Variants in TBC1D31 observed in about 807,000 individuals in gnomAD.
TBC1D31 encodes WD repeat domain 67.
Under a neutral mutation model 132.9 loss-of-function variants are expected in TBC1D31, and 99 were observed. The observed-to-expected ratio is 0.74, with a 90% CI of 0.63 to 0.88. The LOEUF (loss-of-function observed/expected upper bound fraction) is 0.88, where lower values mean the gene tolerates loss of function less well. Among genes scored for constraint, TBC1D31 ranks in the 40% least tolerant of loss-of-function variants. TBC1D31 has a pLI of 0.00. For missense variants in TBC1D31, 1,134 were observed against 1,256.6 expected (o/e 0.90, Z 1.48); for synonymous variants, 385 against 419.4 (o/e 0.92, Z 1.00).
intron 19 of TBC1D31, among the ~76,000 whole-genome samples, chr8:123,144,426 A>G (rs1172893668): frequency 6.6e-6 from 1 of 152,172 alleles, no homozygotes; most frequent in Non-Finnish European, 1.5e-5. Flanking sequence ...AAGATTTGAG[A>G]TTTGAAACTT....
At chr8:123,092,802 C>T (rs905925176) in intron 4 of TBC1D31, among the ~76,000 whole-genome samples, 9 of 102,444 alleles carry the variant, frequency 8.8e-5, no homozygotes, top group Admixed American at 2.8e-4. Flanking sequence ...GGCACACACC[C>T]GGCTAATTTT....
intron 2 of TBC1D31, among the ~76,000 whole-genome samples, chr8:123,080,316 A>C (rs1269447501): frequency 6.6e-6 from 1 of 152,160 alleles, no homozygotes; most frequent in Non-Finnish European, 1.5e-5. Context: ...AGGGGCAGCA[A>C]ATTGTGGGAA....
chr8:123,113,112 G>A (rs1447472824), intron 10 of TBC1D31, among the ~76,000 whole-genome samples: 1 of 152,134 alleles, frequency 6.6e-6, no homozygotes, highest in African/African-American at 2.4e-5. Flanking sequence ...GAGTTCAGAG[G>A]ACAAGGTAGA....
intron 6 of TBC1D31, among the ~76,000 whole-genome samples, chr8:123,099,623 C>T (rs1410442834): frequency 6.6e-6 from 1 of 152,082 alleles, no homozygotes; most frequent in Non-Finnish European, 1.5e-5. Flanking sequence ...GTGGGGGTAG[C>T]AGGGCTGTTA....
chr8:123,090,009 A>G (rs1816179651), intron 4 of TBC1D31, among the ~76,000 whole-genome samples: 1 of 152,256 alleles, frequency 6.6e-6, no homozygotes, highest in Non-Finnish European at 1.5e-5. Context: ...CAGAAAAGGA[A>G]CTATGGAACT....
intron 4 of TBC1D31, among the ~76,000 whole-genome samples, chr8:123,092,916 A>G (rs1392716456): frequency 6.6e-6 from 1 of 150,524 alleles, no homozygotes; most frequent in Non-Finnish European, 1.5e-5. Context: ...GGTTCAAACA[A>G]TTCTCCTGTC....
chr8:123,113,643 T>C (rs539175102), intron 10 of TBC1D31, among the ~76,000 whole-genome samples: 29 of 152,340 alleles, frequency 1.9e-4, no homozygotes, highest in Non-Finnish European at 3.4e-4. Flanking sequence ...CTTTATATAC[T>C]TATATGCCTA....
At chr8:123,134,093 C>T in intron 16 of TBC1D31, 21 bp from the exon 17 acceptor site, 1 of 1,563,788 alleles carries the variant, frequency 6.4e-7, no homozygotes, top group Non-Finnish European at 8.7e-7. Context: ...TTGGTATTTA[C>T]AGTTTGTTGT....
chr8:123,129,061 T>G lies in TBC1D31; in HGVS notation c.2118-5T>G. The G allele has an allele frequency of 6.4e-7, 1 of 1,566,470 alleles. No homozygotes were observed. The highest frequency in any genetic ancestry group is 8.7e-7 in the Non-Finnish European group (1 of 1,151,576). On this transcript the variant is annotated splice_polypyrimidine_tract_variant and splice_region_variant and intron_variant, in intron 14 of 21. Transcript: ENST00000287380. Reference sequence around the variant, plus strand: ...GTGTTTTCATAATAATATTACCTACTTAAGGCAGACAGTTGAAGATATGCA... The same window carrying G: ...GTGTTTTCATAATAATATTACCTACGTAAGGCAGACAGTTGAAGATATGCA...
chr8:123,096,371 T>C (rs1219986292), intron 5 of TBC1D31, among the ~76,000 whole-genome samples: 1 of 152,210 alleles, frequency 6.6e-6, no homozygotes, highest in Non-Finnish European at 1.5e-5. Context: ...TTTCCTTATA[T>C]ACTAACCTTA....
chr8:123,155,366 G>A (rs577605688), downstream of TBC1D31, among the ~76,000 whole-genome samples: 1 of 152,144 alleles, frequency 6.6e-6, no homozygotes, highest in Non-Finnish European at 1.5e-5. This position sits in a 1 kb window ranked among gnomAD's most constrained non-coding sequence, Gnocchi z 4.1. Context: ...GGTTTCAGTG[G>A]GAATAATGGA....
rs905633305 is a variant in TBC1D31 at position 123,097,531 on chromosome 8, C to A, written c.831+90C>A. The A allele has an allele frequency of 4.5e-6, 6 of 1,336,324 alleles. 1 individual carries two copies. The highest frequency in any genetic ancestry group is 6.1e-6 in the Non-Finnish European group (6 of 987,414). The allele number at this position is 1,336,324 out of a possible 1,614,324, so 82.8% of individuals were successfully genotyped here. A position where few individuals can be genotyped will look rare whatever the true frequency, so the allele number is the denominator to read the frequency against. ...TTAGCTCTTATTTATTTAACTTACA[C>A]CCTGGCTGTTACAATAATTTGAAAT... On this transcript the variant is annotated intron_variant, in intron 6 of 21. Transcript: ENST00000287380.
rs1395697727 is a variant in TBC1D31, at chr8:123,077,191, C to T, written c.158C>T (p.Thr53Ile). The T allele has an allele frequency of 3.1e-6, 5 of 1,613,172 alleles. No homozygotes were observed. In the African/African-American group the frequency reaches 5.3e-5, roughly 17 times the overall value. The change falls in exon 2 of 22, where the codon ACA (threonine) becomes ATA (isoleucine). Residue 53 changes from threonine to isoleucine, a missense_variant. Thr to Ile is a moderately conservative substitution (Grantham distance 89). Coordinates refer to ENST00000287380, the MANE Select transcript of TBC1D31 (RefSeq NM_145647.4). ...LRFLNVAFDG[T>I]GDCLIAGDHQ... ...TTTTTGAATGTGGCTTTTGATGGCA[C>T]AGGCGACTGCTTAATTGCTGGGGAC...
chr8:123,121,619 C>G (rs567765253), intron 11 of TBC1D31, among the ~76,000 whole-genome samples: 2 of 152,242 alleles, frequency 1.3e-5, no homozygotes, highest in South Asian at 4.2e-4. Context: ...CTGCCCTCTT[C>G]CAGAGGCCCT....
At chr8:123,111,605 G>A (rs1435924163) in intron 10 of TBC1D31, among the ~76,000 whole-genome samples, 1 of 151,544 alleles carries the variant, frequency 6.6e-6, no homozygotes, top group African/African-American at 2.4e-5. Context: ...TTTTTCTTAT[G>A]CTAAAAATCT....
At chr8:123,110,766 A>G (rs1818366385) in intron 10 of TBC1D31, among the ~76,000 whole-genome samples, 1 of 152,174 alleles carries the variant, frequency 6.6e-6, no homozygotes, top group South Asian at 2.1e-4. Flanking sequence ...AAAAGAATTA[A>G]TAATTCTTCA....
intron 5 of TBC1D31, among the ~76,000 whole-genome samples, chr8:123,096,251 A>G (rs1442858202): frequency 6.6e-6 from 1 of 151,552 alleles, no homozygotes; most frequent in Non-Finnish European, 1.5e-5. Context: ...CACCTGGCCT[A>G]CGCCTCCCTC....
chr8:123,147,270 T>C (rs1169611710), intron 20 of TBC1D31, among the ~76,000 whole-genome samples: 1 of 151,582 alleles, frequency 6.6e-6, no homozygotes, highest in Non-Finnish European at 1.5e-5. Flanking sequence ...CCTCCTGGGT[T>C]CAAGCAATTC....
intron 20 of TBC1D31, among the ~76,000 whole-genome samples, chr8:123,146,157 G>C (rs1822192615): frequency 1.3e-5 from 2 of 151,798 alleles, no homozygotes; most frequent in Non-Finnish European, 2.9e-5. Context: ...GGCGTGCCCA[G>C]CACCGCACGC....
Sources: gnomAD v4.1 joint callset for allele counts (sites outside exome capture counted in the v4.1 genomes callset) on GRCh38, gnomAD v4.1.1 for gene constraint, Gnocchi (gnomAD v3.1) non-coding constraint, MANE v1.5 for transcripts, NCBI Gene and HGNC (gene_info 2026-07-23, HGNC 2026-07-21) for gene names.